Variants in RAB3GAP2 observed in about 807,000 individuals in gnomAD.
The protein encoded by RAB3GAP2 is rab3 GTPase-activating protein non-catalytic subunit.
RAB3GAP2 carries 87 observed loss-of-function variants against 185.3 expected under a neutral mutation model. The observed-to-expected ratio is 0.47, with a 90% CI of 0.39 to 0.56. The LOEUF is 0.56. Ranked by LOEUF, RAB3GAP2 falls within the 20% of genes least tolerant of loss-of-function variation. The pLI is 0.00. For synonymous variants in RAB3GAP2, 554 were observed against 576.1 expected (o/e 0.96, Z 0.55); for missense variants, 1,492 against 1,638.2 (o/e 0.91, Z 1.54).
intron 12 of RAB3GAP2, 77 bp downstream of exon 12, chr1:220,195,001 C>G: frequency 7.2e-7 from 1 of 1,394,884 alleles, no homozygotes; most frequent in South Asian, 1.2e-5. Context: ...AGCAAATCAA[C>G]CAAGCACACG....
In RAB3GAP2 at chr1:220,182,850, T is replaced by A; in HGVS notation, c.2080A>T (p.Thr694Ser). The change falls in exon 20 of 35, where the codon ACC becomes TCC. Residue 694 changes from threonine (T) to serine (S), a missense_variant. Around this residue, in one of 5 missense-constraint regions of RAB3GAP2, gnomAD observed 681 missense variants for 689.1 expected, o/e 0.99. Transcript: ENST00000358951. ...TCAGAAAATCGAACATTTGTCCTGG[T>A]GTTCTCTTGCTTATATTTCTCTAGT... ...ALLEKYKQEN[T>S]RTNVRFSDDK... 6.2e-7 allele frequency: 1 copy of A among 1,613,640 alleles called. No individual in the cohort carries two copies. Among genetic ancestry groups the A allele is most frequent in the Non-Finnish European group, 8.5e-7 (1 of 1,179,714 alleles).
intron 1 of RAB3GAP2, among the ~76,000 whole-genome samples, chr1:220,240,346 T>C (rs1157627179): frequency 6.6e-6 from 1 of 152,252 alleles, no homozygotes; most frequent in African/African-American, 2.4e-5. Context: ...AAATAGCATT[T>C]CTGGGAATAT....
At chr1:220,255,963 C>T (rs944298122) in intron 1 of RAB3GAP2, among the ~76,000 whole-genome samples, 2 of 152,016 alleles carry the variant, frequency 1.3e-5, no homozygotes, top group African/African-American at 4.8e-5. Context: ...AAGATCAACC[C>T]CAAGACACAT....
intron 24 of RAB3GAP2, among the ~76,000 whole-genome samples, chr1:220,168,802 G>A (rs1658120748): frequency 6.6e-6 from 1 of 152,160 alleles, no homozygotes; most frequent in South Asian, 2.1e-4. Flanking sequence ...CATCAATATA[G>A]TACAAAAAAT....
At chr1:220,245,983 A>C (rs1280144328) in intron 1 of RAB3GAP2, among the ~76,000 whole-genome samples, 1 of 152,148 alleles carries the variant, frequency 6.6e-6, no homozygotes, top group African/African-American at 2.4e-5. Flanking sequence ...AAAACTAACA[A>C]ACAGAAAGGA....
At chr1:220,210,204 G>A (rs527629493) in intron 7 of RAB3GAP2, among the ~76,000 whole-genome samples, 184 bp downstream of exon 7, 2 of 152,170 alleles carry the variant, frequency 1.3e-5, no homozygotes, top group East Asian at 1.9e-4. Flanking sequence ...CATTAAATAA[G>A]TAAAAGCAAG....
Position 220,214,037 on chromosome 1 carries a change from G to C in RAB3GAP2, c.181-58C>G, listed in dbSNP as rs538661407. On this transcript the variant is annotated intron_variant, in intron 2 of 34. Coordinates refer to ENST00000358951, the MANE Select transcript of RAB3GAP2 (RefSeq NM_012414.4). ...AAAATACCAAGAGTATTCAAACTCAGCTTGCCTGTCTCAAGGGGTGAGAGG... is the reference window on the plus strand; with the variant it reads ...AAAATACCAAGAGTATTCAAACTCACCTTGCCTGTCTCAAGGGGTGAGAGG... 1.7e-5 allele frequency: 26 copies of C among 1,564,862 alleles called. No homozygotes were observed. In the South Asian group the frequency reaches 2.6e-4, roughly 15 times the overall value.
intron 21 of RAB3GAP2, among the ~76,000 whole-genome samples, chr1:220,175,090 G>T (rs1658261692): frequency 6.6e-6 from 1 of 152,136 alleles, no homozygotes; most frequent in Non-Finnish European, 1.5e-5. Flanking sequence ...AAATCAAAAA[G>T]AAATGTTGGG....
chr1:220,246,511 GA>G (rs1453907438), intron 1 of RAB3GAP2, among the ~76,000 whole-genome samples: 1 of 115,478 alleles, frequency 8.7e-6, no homozygotes, highest in Admixed American at 9.4e-5. Context: ...CAAAGACTTG[GA>G]ACCAACCCAA....
chr1:220,160,101 G>A (rs1657937550), intron 28 of RAB3GAP2, among the ~76,000 whole-genome samples: 1 of 151,914 alleles, frequency 6.6e-6, no homozygotes, highest in African/African-American at 2.4e-5. Context: ...TCAGCTTGTT[G>A]ATAAAGGCAC....
chr1:220,191,125 A>G lies in RAB3GAP2; in HGVS notation c.1430T>C (p.Val477Ala). Residue 477 changes from valine (V) to alanine (A), a missense_variant, in exon 14 of 35, where the codon GTG becomes GCG. Physicochemically the swap from Val to Ala is moderately conservative, Grantham distance 64. Coordinates refer to ENST00000358951, the MANE Select transcript of RAB3GAP2 (RefSeq NM_012414.4). ...IYAPRRGILEVWSTQQGPRVG... is the reference protein window; with the variant it reads ...IYAPRRGILEAWSTQQGPRVG... ...TCTAGGTCCCTGCTGTGTGCTCCAC[A>G]CTTCTAAAATTCCCCTTCTTGGCGC... is the stretch of plus-strand genomic sequence containing the variant. The G allele has an allele frequency of 1.2e-6, 2 of 1,613,954 alleles. No individual in the cohort carries two copies. Among genetic ancestry groups the G allele is most frequent in the Non-Finnish European group, 1.7e-6 (2 of 1,179,954 alleles).
Position 220,191,209 on chromosome 1 carries a change from A to C in RAB3GAP2, c.1346T>G (p.Phe449Cys). 6.2e-7 allele frequency: 1 copy of C among 1,613,972 alleles called. No individual in the cohort carries two copies. The highest frequency in any genetic ancestry group is 8.5e-7 in the Non-Finnish European group (1 of 1,179,976). Residue 449 changes from phenylalanine (F) to cysteine (C), a missense_variant, in exon 14 of 35, where the codon TTT (phenylalanine) becomes TGT (cysteine). By Grantham distance (205) the Phe-to-Cys change is radical. Around this residue, in one of 5 missense-constraint regions of RAB3GAP2, gnomAD observed 681 missense variants for 689.1 expected, o/e 0.99. Transcript: ENST00000358951. Reference sequence around the variant, plus strand: ...ACCCTGAGAATTTCCAAAGGGGGAAAAATCTGCCTTTTCTGGCACTCTTTC... The same window carrying C: ...ACCCTGAGAATTTCCAAAGGGGGAACAATCTGCCTTTTCTGGCACTCTTTC... ...LHERVPEKAD[F>C]SPFGNSQGPS... is the part of the protein sequence containing the mutation.
rs1480152636 is a variant in RAB3GAP2, at chr1:220,149,489, T to TTAAG, written c.*1758_*1761dup. The TTAAG allele has an allele frequency of 6.6e-6, 1 of 152,210 alleles. No individual in the cohort carries two copies. The highest frequency in any genetic ancestry group is 1.9e-4 in the East Asian group (1 of 5,206). 9.4% of individuals were successfully genotyped at this position (152,210 alleles called of 1,614,324 possible). ...CTCCAAGTTTCTTTGACTAGCCTCC[T>TTAAG]TAAGTTCATACTACTACTTTCAGCG... is the stretch of plus-strand genomic sequence containing the variant. On this transcript the variant is annotated 3_prime_UTR_variant, in exon 35 of 35. Coordinates refer to ENST00000358951, the MANE Select transcript of RAB3GAP2 (RefSeq NM_012414.4).
In RAB3GAP2 at chr1:220,150,975, G is replaced by A. The variant is rs1657741239; in HGVS notation, c.*276C>T. The stretch of plus-strand genomic sequence containing the variant: ...TTAAATAGCAAAGTTTAACAATAAA[G>A]CTACTTAAGTGTTTGAATTAGAAAT... On this transcript the variant is annotated 3_prime_UTR_variant, in exon 35 of 35. Transcript: ENST00000358951. 5.2e-6 allele frequency: 2 copies of A among 384,610 alleles called. No homozygotes were observed. The highest frequency in any genetic ancestry group is 4.7e-6 in the Non-Finnish European group (1 of 215,024). The allele number at this position is 384,610 out of a possible 1,614,324, so 23.8% of individuals were successfully genotyped here.
At chr1:220,268,653 A>G (rs1201490132) in intron 1 of RAB3GAP2, among the ~76,000 whole-genome samples, 2 of 152,214 alleles carry the variant, frequency 1.3e-5, no homozygotes, top group African/African-American at 4.8e-5. Flanking sequence ...GAAGAGGTCC[A>G]TTCTGTTCAT....
intron 10 of RAB3GAP2, 107 bp downstream of exon 10, chr1:220,196,143 T>C: frequency 1.6e-6 from 2 of 1,267,972 alleles, no homozygotes; most frequent in Non-Finnish European, 1.1e-6. Context: ...AATTTAGAAA[T>C]GTAAACTGCT....
intron 1 of RAB3GAP2, among the ~76,000 whole-genome samples, chr1:220,255,783 T>C (rs559344817): frequency 6.6e-6 from 1 of 152,136 alleles, no homozygotes; most frequent in African/African-American, 2.4e-5. Flanking sequence ...TGAGATCACA[T>C]AAAGAGACCA....
At chr1:220,178,681 C>T (rs929226665) in intron 21 of RAB3GAP2, among the ~76,000 whole-genome samples, 1 of 151,630 alleles carries the variant, frequency 6.6e-6, no homozygotes, top group Admixed American at 6.6e-5. Context: ...CGAATTGAAA[C>T]ATACTACAAG....
intron 32 of RAB3GAP2, 89 bp from the exon 33 acceptor site, chr1:220,153,495 T>G (rs1221071365): frequency 8.4e-7 from 1 of 1,184,048 alleles, no homozygotes; most frequent in Non-Finnish European, 1.3e-6. Flanking sequence ...TTTCTGTCAC[T>G]TATAGTGGCT....
Sources: gnomAD v4.1 joint callset for allele counts (sites outside exome capture counted in the v4.1 genomes callset) on GRCh38, gnomAD v4.1.1 for gene constraint, gnomAD v4.1.1 regional missense constraint, MANE v1.5 for transcripts, NCBI Gene and HGNC (gene_info 2026-07-23, HGNC 2026-07-21) for gene names.